The following PEG3 variants were observed in gnomAD, a reference collection of about 807,000 sequenced individuals.
PEG3 encodes paternally-expressed gene 3 protein.
Under a neutral mutation model 35.5 loss-of-function variants are expected in PEG3, and 23 were observed. The ratio of observed to expected loss-of-function variants is 0.65; its 90% CI spans 0.47 to 0.92. The LOEUF is 0.92. PEG3 is among the 40% of genes least tolerant of loss of function. The pLI, the probability that PEG3 is intolerant of heterozygous loss-of-function variation, is 0.00. For synonymous variants in PEG3, 707 were observed against 697.0 expected, an observed-to-expected ratio of 1.01 and a Z score of -0.23; for missense variants, 1,960 against 1,985.3, an observed-to-expected ratio of 0.99 and a Z score of 0.24.
chr19:56,816,564 C>T lies in PEG3; in HGVS notation c.1878G>A (p.Met626Ile). The T allele has an allele frequency of 1.2e-6, 2 of 1,614,060 alleles. No individual in the cohort carries two copies. Among genetic ancestry groups the T allele is most frequent in the Non-Finnish European group, 1.7e-6 (2 of 1,179,972 alleles). ...EFQKMYGKEKMYECKVCGETF... is the reference protein window; with the variant it reads ...EFQKMYGKEKIYECKVCGETF... Reference sequence around the variant, plus strand: ...TCTCCCCACACACCTTACATTCGTACATTTTCTCTTTACCATACATTTTCT... The same window carrying T: ...TCTCCCCACACACCTTACATTCGTATATTTTCTCTTTACCATACATTTTCT... Residue 626 changes from methionine to isoleucine, a missense_variant, in exon 10 of 10, where the codon ATG (methionine) becomes ATA (isoleucine). Met to Ile is a conservative substitution (Grantham distance 10). Transcript: ENST00000326441.
In PEG3 at chr19:56,824,946, CGGCTACTAACTTG is replaced by C. The variant is rs544050627; in HGVS notation, c.-86-218_-86-206del. The C allele has an allele frequency of 4.0e-4, 130 of 322,522 alleles. 1 individual carries two copies. In the East Asian group the frequency reaches 5.7e-3, roughly 14 times the overall value. The allele number at this position is 322,522 out of a possible 1,614,324, so 20.0% of individuals were successfully genotyped here. A position where few individuals can be genotyped will look rare whatever the true frequency, so the allele number is the denominator to read the frequency against. ...CAGAGACCTACTCGAGGAGTTAGCTCGGCTACTAACTTGGGCTACTAACTTGGGACTGTGGGCA... is the reference window on the plus strand; with the variant it reads ...CAGAGACCTACTCGAGGAGTTAGCTCGGCTACTAACTTGGGACTGTGGGCA... On this transcript the variant is annotated intron_variant, in intron 3 of 9. Coordinates refer to ENST00000326441, the MANE Select transcript of PEG3 (RefSeq NM_006210.3).
rs1303390578 is a variant in PEG3, at chr19:56,831,833, T to C, written c.-163+4185A>G. Among the ~76,000 whole-genome samples, 3 of 152,358 alleles carry C rather than the reference T, an allele frequency of 2.0e-5. No individual in the cohort carries two copies. The East Asian group carries it at 5.8e-4, about 29-fold the overall frequency. ...TGCTATTAATAAATCTTAAAATCTA[T>C]ACTTATGTTGTTCTTACTGCAAATA... On this transcript the variant is annotated intron_variant, in intron 2 of 9. Coordinates refer to ENST00000326441, the MANE Select transcript of PEG3 (RefSeq NM_006210.3).
intron 1 of PEG3, among the ~76,000 whole-genome samples, chr19:56,839,283 G>A (rs2062655728): frequency 6.6e-6 from 1 of 151,230 alleles, no homozygotes; most frequent in Non-Finnish European, 1.5e-5. Flanking sequence ...CATCTAGGTG[G>A]GCGGGGCCTG....
rs779210073 is a variant in PEG3, at chr19:56,814,404, G to T, written c.4038C>A (p.Val1346=). 1 of 1,613,998 alleles carries T rather than the reference G, an allele frequency of 6.2e-7. No homozygotes were observed. Among genetic ancestry groups the T allele is most frequent in the South Asian group, 1.1e-5 (1 of 91,072 alleles). The part of the protein sequence containing the change: ...DCGKSFIHST[V]LTKHKELHLE... ...GATGAAGCTCCTTATGTTTAGTGAG[G>T]ACTGTGCTATGAATAAAGGACTTAC... The change falls in exon 10 of 10, where the codon GTC becomes GTA. Residue 1346 remains valine, a synonymous_variant. Coordinates refer to ENST00000326441, the MANE Select transcript of PEG3 (RefSeq NM_006210.3). The surrounding 1 kb of genome is among the most constrained non-coding windows in gnomAD (Gnocchi z 5.8).
Position 56,812,378 on chromosome 19 carries a change from GGAACCT to G in PEG3, c.*1291_*1296del. 2 of 984,856 alleles carry G rather than the reference GGAACCT, an allele frequency of 2.0e-6. No homozygotes were observed. Among genetic ancestry groups the G allele is most frequent in the Non-Finnish European group, 2.4e-6 (2 of 829,592 alleles). The allele number at this position is 984,856 out of a possible 1,614,324, so 61.0% of individuals were successfully genotyped here. A position where few individuals can be genotyped will look rare whatever the true frequency, so the allele number is the denominator to read the frequency against. On this transcript the variant is annotated 3_prime_UTR_variant, in exon 10 of 10. Transcript: ENST00000326441. ...TAACAAAACAAATTAAGGCTGCTGGGGAACCTGAGTCCATGTTAAGCTTGGGTTGAC... is the reference window on the plus strand; with the variant it reads ...TAACAAAACAAATTAAGGCTGCTGGGGAGTCCATGTTAAGCTTGGGTTGAC...
Position 56,818,682 on chromosome 19 carries a change from A to G in PEG3, c.690T>C (p.Asn230=). The change falls in exon 8 of 10, where the codon AAT becomes AAC. Residue 230 remains asparagine (N), a synonymous_variant. Coordinates refer to ENST00000326441, the MANE Select transcript of PEG3 (RefSeq NM_006210.3). ...SRSQDAESYQ[N]VVDLAEDRKP... ...TCCTGTCCTCAGCGAGGTCCACCACATTTTGGTATGATTCAGCATCCTAAA... is the reference window on the plus strand; with the variant it reads ...TCCTGTCCTCAGCGAGGTCCACCACGTTTTGGTATGATTCAGCATCCTAAA... 1 of 1,614,144 alleles carries G rather than the reference A, an allele frequency of 6.2e-7. No individual in the cohort carries two copies. The highest frequency in any genetic ancestry group is 2.2e-5 in the East Asian group (1 of 44,876).
At chr19:56,835,159 C>T (rs2061962396) in intron 2 of PEG3, among the ~76,000 whole-genome samples, 1 of 152,104 alleles carries the variant, frequency 6.6e-6, no homozygotes. Context: ...TTGGTCTCCC[C>T]ACACCCACTG....
At chr19:56,839,553 A>G (rs1178938736) in intron 1 of PEG3, among the ~76,000 whole-genome samples, 1 of 141,344 alleles carries the variant, frequency 7.1e-6, no homozygotes, top group South Asian at 2.3e-4. Context: ...ACATGGCGTC[A>G]AAGCGGGCGG....
At position 56,814,153 on chromosome 19, in the gene PEG3, G is replaced by GCAGCCTCTCCATCTGGCCCTT; in HGVS notation, c.4268_4288dup (p.Glu1423_Ala1429dup). 1.2e-6 allele frequency: 2 copies of GCAGCCTCTCCATCTGGCCCTT among 1,614,070 alleles called. No individual in the cohort carries two copies. Among genetic ancestry groups the GCAGCCTCTCCATCTGGCCCTT allele is most frequent in the Admixed American group, 1.7e-5 (1 of 60,012 alleles). On this transcript the variant is annotated inframe_insertion, in exon 10 of 10. Transcript: ENST00000326441. This position sits in a 1 kb window ranked among gnomAD's most constrained non-coding sequence, Gnocchi z 5.8. ...CTGTCCAGCCTCTCCAATGGGCTCTGCAGCCTCTCCATCTGGCCCTTCAGC... is the reference window on the plus strand; with the variant it reads ...CTGTCCAGCCTCTCCAATGGGCTCTGCAGCCTCTCCATCTGGCCCTTCAGCCTCTCCATCTGGCCCTTCAGC...
chr19:56,811,311 G>T lies in PEG3; in HGVS notation c.*2364C>A. On this transcript the variant is annotated 3_prime_UTR_variant, in exon 10 of 10. Coordinates refer to ENST00000326441, the MANE Select transcript of PEG3 (RefSeq NM_006210.3). The stretch of plus-strand genomic sequence containing the variant: ...ATATATATTTTTAAACAGTTATAAT[G>T]AACTGTTTAAATGAACTGTTAAATG... The T allele has an allele frequency of 1.1e-6, 1 of 901,406 alleles. No homozygotes were observed. The allele number at this position is 901,406 out of a possible 1,614,324, so 55.8% of individuals were successfully genotyped here. A position where few individuals can be genotyped will look rare whatever the true frequency, so the allele number is the denominator to read the frequency against.
At chr19:56,824,784 G>GT in intron 3 of PEG3, 43 bp from the exon 4 acceptor site, 1 of 904,034 alleles carries the variant, frequency 1.1e-6, no homozygotes, top group Non-Finnish European at 1.7e-6. Flanking sequence ...AGAAGTTGAA[G>GT]ACCAGGCAGC....
chr19:56,812,073 T>C lies in PEG3; in HGVS notation c.*1602A>G, dbSNP rs1013175833. The C allele has an allele frequency of 1.0e-6, 1 of 967,624 alleles. No homozygotes were observed. The highest frequency in any genetic ancestry group is 1.2e-6 in the Non-Finnish European group (1 of 821,120). The allele number at this position is 967,624 out of a possible 1,614,324, so 59.9% of individuals were successfully genotyped here. ...ACATTTCCCCCAGTGGGTACTTTAA[T>C]TTTGCTTGTTCAAATGATCTACACT... On this transcript the variant is annotated 3_prime_UTR_variant, in exon 10 of 10. Coordinates refer to ENST00000326441, the MANE Select transcript of PEG3 (RefSeq NM_006210.3).
chr19:56,813,797 C>A lies in PEG3; in HGVS notation c.4645G>T (p.Ala1549Ser). Residue 1549 changes from alanine (A) to serine (S), a missense_variant, in exon 10 of 10, where the codon GCC becomes TCC. By Grantham distance (99) the Ala-to-Ser change is moderately conservative (BLOSUM62 1). Transcript: ENST00000326441. ...FGECSGYIER[A>S]STSTGGANQA... The stretch of plus-strand genomic sequence containing the variant: ...TTGGCACCACCTGTGCTGGTGCTGG[C>A]ACGTTCGATGTAGCCTGAGCACTCC... 1 of 1,614,100 alleles carries A rather than the reference C, an allele frequency of 6.2e-7. No individual in the cohort carries two copies. Among genetic ancestry groups the A allele is most frequent in the South Asian group, 1.1e-5 (1 of 91,080 alleles).
rs755314775 is a variant in PEG3, at chr19:56,814,331, C to G, written c.4111G>C (p.Ala1371Pro). 2 of 1,612,942 alleles carry G rather than the reference C, an allele frequency of 1.2e-6. No individual in the cohort carries two copies. Among genetic ancestry groups the G allele is most frequent in the Admixed American group, 3.3e-5 (2 of 60,012 alleles). Residue 1371 changes from alanine (A) to proline (P), a missense_variant, in exon 10 of 10, where the codon GCC becomes CCC. Coordinates refer to ENST00000326441, the MANE Select transcript of PEG3 (RefSeq NM_006210.3). This position sits in a 1 kb window ranked among gnomAD's most constrained non-coding sequence, Gnocchi z 5.8. ...TGGACATTGGCTTCAACTTCCTGGG[C>G]TGCTGCTGCTGCAGCTGCTGCTGCT... is the stretch of plus-strand genomic sequence containing the variant. ...DEAAAAAAAA[A>P]QEVEANVHVP...
At chr19:56,835,887 T>C (rs897071690) in intron 2 of PEG3, 131 bp downstream of exon 2, 1 of 377,550 alleles carries the variant, frequency 2.6e-6, no homozygotes, top group African/African-American at 2.1e-5. Context: ...AGTCTGGGTG[T>C]TCTCAGAGGG....
intron 2 of PEG3, among the ~76,000 whole-genome samples, chr19:56,833,928 C>A (rs1601240945): frequency 6.6e-6 from 1 of 152,176 alleles, no homozygotes; most frequent in African/African-American, 2.4e-5. Context: ...CTTATTTCTA[C>A]CACATTAAGC....
Position 56,810,865 on chromosome 19 carries a change from G to C in PEG3, c.*2810C>G, listed in dbSNP as rs1296673381. ...TACTTTATTTTCTAATTTTTCCTCTGGGTATGTATTATGCACACCAATGGA... is the reference window on the plus strand; with the variant it reads ...TACTTTATTTTCTAATTTTTCCTCTCGGTATGTATTATGCACACCAATGGA... On this transcript the variant is annotated 3_prime_UTR_variant, in exon 10 of 10. Coordinates refer to ENST00000326441, the MANE Select transcript of PEG3 (RefSeq NM_006210.3). The C allele has an allele frequency of 4.1e-6, 4 of 965,484 alleles. No individual in the cohort carries two copies. The African/African-American group carries it at 7.0e-5, about 17-fold the overall frequency. The allele number at this position is 965,484 out of a possible 1,614,324, so 59.8% of individuals were successfully genotyped here. A position where few individuals can be genotyped will look rare whatever the true frequency, so the allele number is the denominator to read the frequency against.
At chr19:56,822,574 T>C in intron 6 of PEG3, 179 bp downstream of exon 6, 1 of 715,242 alleles carries the variant, frequency 1.4e-6, no homozygotes, top group Non-Finnish European at 2.3e-6. Flanking sequence ...TGGTGAAACC[T>C]GTGCTGGTGG....
chr19:56,817,294 G>C lies in PEG3; in HGVS notation c.1148C>G (p.Ser383Cys), dbSNP rs777335656. ...GGFRFNSTLV[S>C]RKRVLERKRR... ...CTTTCTTTCAAGAACTCTCTTTCTG[G>C]AAACAAGGGTTGAATTAAACCTAAA... The change falls in exon 10 of 10, where the codon TCC (serine) becomes TGC (cysteine). Residue 383 changes from serine (S) to cysteine (C), a missense_variant. By Grantham distance (112) the Ser-to-Cys change is moderately radical. This residue lies in a region of PEG3 where 613 missense variants were observed against 577.1 expected (regional missense o/e 1.06). Coordinates refer to ENST00000326441, the MANE Select transcript of PEG3 (RefSeq NM_006210.3). 4 of 1,613,980 alleles carry C rather than the reference G, an allele frequency of 2.5e-6. No individual in the cohort carries two copies. The highest frequency in any genetic ancestry group is 3.3e-5 in the Admixed American group (2 of 59,998).
Sources: allele counts gnomAD v4.1 joint callset (sites outside exome capture counted in the v4.1 genomes callset), GRCh38; gene constraint gnomAD v4.1.1; regional missense constraint gnomAD v4.1.1; non-coding constraint Gnocchi (gnomAD v3.1); transcripts MANE v1.5; gene names NCBI Gene and HGNC (gene_info 2026-07-23, HGNC 2026-07-21).